SNTG1: variants seen among roughly 807,000 people sequenced by gnomAD.
SNTG1 encodes the protein gamma-1-syntrophin.
In SNTG1, 39 loss-of-function variants were observed where a neutral mutation model predicts 74.7. The observed-to-expected ratio is 0.52, with a 90% CI of 0.40 to 0.68. The LOEUF (loss-of-function observed/expected upper bound fraction) is 0.68, where lower values mean the gene tolerates loss of function less well. Ranked by LOEUF, SNTG1 falls within the 30% of genes least tolerant of loss-of-function variation. The pLI is 0.00. For synonymous variants in SNTG1, 254 were observed against 217.1 expected (o/e 1.17, Z -1.49); for missense variants, 685 against 609.5 (o/e 1.12, Z -1.30).
Position 49,943,306 on chromosome 8 carries a change from C to T in SNTG1, c.-103+31075C>T, listed in dbSNP as rs1206086498. Among the ~76,000 whole-genome samples, 3 of 152,020 alleles carry T rather than the reference C, an allele frequency of 2.0e-5. No individual in the cohort carries two copies. The East Asian group carries it at 5.8e-4, about 29-fold the overall frequency. On this transcript the variant is annotated intron_variant, in intron 1 of 18. Transcript: ENST00000642720. Reference sequence around the variant, plus strand: ...TCCTTCGATCTAGTGGAGAAACTGGCCAATTAAAGAAAGAATTGCAAAGTG... The same window carrying T: ...TCCTTCGATCTAGTGGAGAAACTGGTCAATTAAAGAAAGAATTGCAAAGTG...
chr8:50,248,242 C>T (rs1368089381), intron 2 of SNTG1, among the ~76,000 whole-genome samples: 1 of 152,100 alleles, frequency 6.6e-6, no homozygotes, highest in East Asian at 1.9e-4. Flanking sequence ...ATTGTCAACC[C>T]ATAAAATAGT....
intron 9 of SNTG1, among the ~76,000 whole-genome samples, chr8:50,510,385 T>C (rs1186610087): frequency 6.6e-6 from 1 of 152,188 alleles, no homozygotes; most frequent in Admixed American, 6.5e-5. Flanking sequence ...TCTTTTTTTG[T>C]CGTGTCTCTG....
At chr8:50,334,189 G>A (rs1201459394) in intron 2 of SNTG1, among the ~76,000 whole-genome samples, 2 of 152,142 alleles carry the variant, frequency 1.3e-5, no homozygotes, top group Admixed American at 6.5e-5. Context: ...GAGCCACCGC[G>A]CCTGGCCAGG....
chr8:50,100,204 T>TA (rs1178240270), intron 1 of SNTG1, among the ~76,000 whole-genome samples: 1 of 151,946 alleles, frequency 6.6e-6, no homozygotes, highest in Non-Finnish European at 1.5e-5. Context: ...ATGCAGAAGC[T>TA]AAAAAAAGTT....
chr8:50,408,747 A>G (rs4295674), intron 4 of SNTG1, among the ~76,000 whole-genome samples: 151,423 of 152,302 alleles, frequency 0.99, 75,283 homozygotes, highest in Middle Eastern at 1. Flanking sequence ...CATGCCAAGT[A>G]ACCCTCTTAG....
intron 2 of SNTG1, among the ~76,000 whole-genome samples, chr8:50,212,494 T>C (rs930834281): frequency 6.6e-6 from 1 of 152,104 alleles, no homozygotes; most frequent in Non-Finnish European, 1.5e-5. Context: ...ACATAAGTAA[T>C]GTGTGATGTA....
intron 1 of SNTG1, among the ~76,000 whole-genome samples, chr8:50,148,961 G>A (rs946232579): frequency 6.6e-6 from 1 of 152,176 alleles, no homozygotes; most frequent in South Asian, 2.1e-4. Flanking sequence ...CTAGATCCCT[G>A]AGGAATCGCC....
intron 11 of SNTG1, among the ~76,000 whole-genome samples, chr8:50,547,473 C>A (rs2094396534): frequency 6.6e-6 from 1 of 152,152 alleles, no homozygotes; most frequent in African/African-American, 2.4e-5. Context: ...TTCCTTTGAA[C>A]AATTCTAGAT....
intron 14 of SNTG1, 86 bp from the exon 15 acceptor site, chr8:50,658,505 CT>C (rs2095197838): frequency 2.1e-6 from 2 of 936,176 alleles, no homozygotes; most frequent in Non-Finnish European, 1.6e-6. Context: ...AAAGTTTTTT[CT>C]TATTTTTCAC....
chr8:50,266,326 A>G lies in SNTG1; in HGVS notation c.-28+93691A>G, dbSNP rs151292335. Among the ~76,000 whole-genome samples the G allele has an allele frequency of 5.1e-3, 769 of 152,264 alleles. 5 individuals carry two copies. The highest frequency in any genetic ancestry group is 7.9e-3 in the Non-Finnish European group (535 of 67,984). On this transcript the variant is annotated intron_variant, in intron 2 of 18. Transcript: ENST00000642720. ...GATTTTCAACAAAGATGGTGAGAGA[A>G]TTCAGTAGAAAAATATTCTTTTCAG...
rs1280691329 is a variant in SNTG1 at position 50,753,745 on chromosome 8, T to C, written c.1395+1634T>C. 4.6e-5 allele frequency among the ~76,000 whole-genome samples: 7 copies of C among 152,002 alleles called. No individual in the cohort carries two copies. In the East Asian group the frequency reaches 9.7e-4, roughly 21 times the overall value. ...TTAAGAGATAGTGTAAGAATAGATA[T>C]TTGGTTGAGTGTAATTCTCGAATTG... On this transcript the variant is annotated intron_variant, in intron 18 of 18. Coordinates refer to ENST00000642720, the MANE Select transcript of SNTG1 (RefSeq NM_018967.5).
chr8:50,562,572 A>G (rs1189191127), intron 12 of SNTG1, among the ~76,000 whole-genome samples: 1 of 152,204 alleles, frequency 6.6e-6, no homozygotes, highest in African/African-American at 2.4e-5. Flanking sequence ...TTTAGGACTT[A>G]TGACCTACAG....
At chr8:50,393,931 G>A (rs190610877) in intron 2 of SNTG1, among the ~76,000 whole-genome samples, 5 of 152,342 alleles carry the variant, frequency 3.3e-5, no homozygotes, top group African/African-American at 4.8e-5. Flanking sequence ...GATACATGGA[G>A]TCTGAATGCC....
At chr8:50,307,758 T>C (rs1331331848) in intron 2 of SNTG1, among the ~76,000 whole-genome samples, 3 of 152,110 alleles carry the variant, frequency 2.0e-5, no homozygotes, top group Non-Finnish European at 2.9e-5. Flanking sequence ...CAGCTTTATA[T>C]GTAATTCAAT....
intron 3 of SNTG1, 69 bp from the exon 4 acceptor site, chr8:50,402,140 TG>T: frequency 2.0e-6 from 3 of 1,495,622 alleles, no homozygotes; most frequent in East Asian, 4.6e-5. Context: ...TGCTGTAAAC[TG>T]GCCACAAAAT....
chr8:50,670,537 G>A (rs1325076356), intron 15 of SNTG1, among the ~76,000 whole-genome samples: 12 of 149,748 alleles, frequency 8.0e-5, no homozygotes, highest in Non-Finnish European at 1.0e-4. Context: ...TCAAGGAAAT[G>A]AAAGAGGATA....
intron 2 of SNTG1, among the ~76,000 whole-genome samples, chr8:50,359,101 G>A (rs2131056183): frequency 6.6e-6 from 1 of 152,224 alleles, no homozygotes; most frequent in South Asian, 2.1e-4. Flanking sequence ...GTCTCCTTGT[G>A]CCTTTGCTGT....
chr8:50,405,404 T>C (rs551371240), intron 4 of SNTG1, among the ~76,000 whole-genome samples: 29 of 152,242 alleles, frequency 1.9e-4, no homozygotes, highest in Non-Finnish European at 3.4e-4. Context: ...CAATTAATAA[T>C]GTAGAGCATC....
At chr8:50,343,433 G>A (rs957892024) in intron 2 of SNTG1, among the ~76,000 whole-genome samples, 1 of 152,112 alleles carries the variant, frequency 6.6e-6, no homozygotes, top group African/African-American at 2.4e-5. Context: ...CAATCAGTTA[G>A]TGTCATAGAT....
Sources: gnomAD v4.1 joint callset for allele counts (sites outside exome capture counted in the v4.1 genomes callset) on GRCh38, gnomAD v4.1.1 for gene constraint, MANE v1.5 for transcripts, NCBI Gene and HGNC (gene_info 2026-07-23, HGNC 2026-07-21) for gene names.